Variants in DGLUCY observed in about 807,000 individuals in gnomAD.
DGLUCY encodes D-glutamate cyclase.
In DGLUCY, 58 loss-of-function variants were observed where a neutral mutation model predicts 58.5. That is an observed-to-expected ratio of 0.99 (90% CI 0.80 to 1.23). The LOEUF (loss-of-function observed/expected upper bound fraction) is 1.23. Among genes scored for constraint, DGLUCY ranks in the 50% most tolerant of loss-of-function variants. The pLI, the probability that DGLUCY is intolerant of heterozygous loss-of-function variation, is 0.00. For missense variants in DGLUCY, 779 were observed against 784.7 expected, an observed-to-expected ratio of 0.99 and a Z score of 0.09; for synonymous variants, 325 against 314.1, an observed-to-expected ratio of 1.03 and a Z score of -0.37.
In DGLUCY at chr14:91,181,270, C is replaced by T. The variant is rs772190030; in HGVS notation, c.815C>T (p.Thr272Ile). The T allele has an allele frequency of 3.7e-6, 6 of 1,614,042 alleles. No individual in the cohort carries two copies. The African/African-American group carries it at 4.0e-5, about 11-fold the overall frequency. Residue 272 changes from threonine (T) to isoleucine (I), a missense_variant, in exon 8 of 14, where the codon ACC becomes ATC. By Grantham distance (89) the Thr-to-Ile change is moderately conservative. Transcript: ENST00000256324. The part of the protein sequence containing the change: ...KDAKAPPGCL[T>I]PERIPEVHHI... Reference sequence around the variant, plus strand: ...GCAAAGGCTCCACCTGGTTGTCTCACCCCAGAGAGAATTCCAGAGGTCCAT... The same window carrying T: ...GCAAAGGCTCCACCTGGTTGTCTCATCCCAGAGAGAATTCCAGAGGTCCAT...
chr14:91,190,348 A>G (rs115923640), intron 9 of DGLUCY, among the ~76,000 whole-genome samples: 2,363 of 152,248 alleles, frequency 0.016, 63 homozygotes, highest in African/African-American at 0.053. Context: ...CCCCACGGAG[A>G]GTATCTTCCA....
At chr14:91,174,112 T>A (rs781365485) in intron 6 of DGLUCY, among the ~76,000 whole-genome samples, 10 of 151,926 alleles carry the variant, frequency 6.6e-5, no homozygotes, top group Non-Finnish European at 1.3e-4. Context: ...TCAATCATGC[T>A]CATGTAATGA....
intron 13 of DGLUCY, chr14:91,220,757 G>T (rs1440291483): frequency 2.3e-6 from 1 of 438,648 alleles, no homozygotes; most frequent in East Asian, 7.1e-5. Context: ...TCAGCACCAT[G>T]TTCCCGCCTG....
chr14:91,115,092 A>G (rs919809312), intron 1 of DGLUCY: 2 of 152,326 alleles, frequency 1.3e-5, no homozygotes, highest in South Asian at 2.1e-4. Context: ...ACCTTCTTTC[A>G]TGAGAACCAC....
intron 10 of DGLUCY, among the ~76,000 whole-genome samples, chr14:91,197,818 C>T (rs2050309052): frequency 6.6e-6 from 1 of 152,192 alleles, no homozygotes; most frequent in Admixed American, 6.5e-5. Context: ...GGTTTGCTTC[C>T]TGCTCTTGGC....
intron 4 of DGLUCY, 52 bp from the exon 5 acceptor site, chr14:91,169,943 TATTATCAG>T (rs1178220051): frequency 1.3e-6 from 2 of 1,525,006 alleles, no homozygotes; most frequent in Non-Finnish European, 1.8e-6. Flanking sequence ...TTCTATAATG[TATTATCAG>T]GGGCCACAGT....
rs1887993641 is a variant in DGLUCY, at chr14:91,224,825, C to A, written c.1858C>A (p.Gln620Lys). The part of the protein sequence containing the change: ...IQKLVDVTTA[Q>K]V The stretch of plus-strand genomic sequence containing the variant: ...GAAGCTGGTGGACGTCACCACGGCA[C>A]AGGTGTAACCGTCCATGTTCCGTGT... The change falls in exon 14 of 14, where the codon CAG becomes AAG. Residue 620 changes from glutamine to lysine, a missense_variant. Physicochemically the swap from Gln to Lys is moderately conservative, Grantham distance 53. Transcript: ENST00000256324. 6.2e-7 allele frequency: 1 copy of A among 1,611,606 alleles called. No individual in the cohort carries two copies. The highest frequency in any genetic ancestry group is 1.3e-5 in the African/African-American group (1 of 74,864).
At chr14:91,203,713 G>C (rs967077981) in intron 11 of DGLUCY, among the ~76,000 whole-genome samples, 11 of 148,914 alleles carry the variant, frequency 7.4e-5, no homozygotes, top group African/African-American at 2.2e-4. Flanking sequence ...GTCTTGCTCT[G>C]TTGCCCAGTC....
intron 1 of DGLUCY, among the ~76,000 whole-genome samples, chr14:91,093,083 CAAA>C (rs1157463939): frequency 6.9e-5 from 4 of 57,698 alleles, no homozygotes; most frequent in Admixed American, 1.9e-4. Flanking sequence ...AACTCAGTCT[CAAA>C]AAAAAAAAAA....
At chr14:91,138,550 G>C (rs79553846) in intron 1 of DGLUCY, among the ~76,000 whole-genome samples, 32 of 152,134 alleles carry the variant, frequency 2.1e-4, no homozygotes, top group Admixed American at 3.9e-4. Context: ...AAGGAAAGAG[G>C]TCTAATCCCC....
At chr14:91,084,987 C>A (rs536639287) in intron 1 of DGLUCY, among the ~76,000 whole-genome samples, 1 of 152,210 alleles carries the variant, frequency 6.6e-6, no homozygotes, top group South Asian at 2.1e-4. Context: ...TTTGGAAGGG[C>A]AAAACAGTAA....
At chr14:91,133,016 GGGCGCGGTAGCTC>G in intron 1 of DGLUCY, among the ~76,000 whole-genome samples, 1 of 151,880 alleles carries the variant, frequency 6.6e-6, no homozygotes, top group African/African-American at 2.4e-5. Context: ...TTTTTTGGCT[GGGCGCGGTAGCTC>G]ACGCCTGTAA....
intron 13 of DGLUCY, among the ~76,000 whole-genome samples, chr14:91,219,086 A>G (rs929853637): frequency 2.0e-5 from 3 of 152,066 alleles, no homozygotes; most frequent in East Asian, 1.9e-4. Flanking sequence ...AGGCTGAGAC[A>G]TGAGAATCAC....
chr14:91,206,927 A>C (rs1595920410), intron 12 of DGLUCY, among the ~76,000 whole-genome samples: 1 of 152,214 alleles, frequency 6.6e-6, no homozygotes, highest in Non-Finnish European at 1.5e-5. Flanking sequence ...GAGACATGAA[A>C]ATTTTAAGAA....
intron 8 of DGLUCY, 72 bp downstream of exon 8, chr14:91,181,461 C>T (rs775436947): frequency 5.4e-6 from 8 of 1,472,572 alleles, no homozygotes; most frequent in African/African-American, 1.4e-5. Context: ...AGAAAATCAC[C>T]TTTTCAGTGA....
chr14:91,205,795 C>CCTCT (rs1884528137), intron 12 of DGLUCY, among the ~76,000 whole-genome samples: 1 of 143,470 alleles, frequency 7.0e-6, no homozygotes, highest in Admixed American at 7.0e-5. Context: ...TCTTCTTCTT[C>CCTCT]TCCGTCTCCT....
intron 13 of DGLUCY, among the ~76,000 whole-genome samples, chr14:91,220,280 T>A (rs1464652173): frequency 6.6e-6 from 1 of 152,212 alleles, no homozygotes; most frequent in Admixed American, 6.5e-5. Flanking sequence ...CCGTAACAGA[T>A]CTACTTTTTG....
At chr14:91,138,723 T>C (rs1450061479) in intron 1 of DGLUCY, among the ~76,000 whole-genome samples, 1 of 152,098 alleles carries the variant, frequency 6.6e-6, no homozygotes, top group African/African-American at 2.4e-5. Flanking sequence ...CTCACTGTCA[T>C]GAGAACAGGG....
At chr14:91,144,840 T>C (rs1206442254) in intron 1 of DGLUCY, among the ~76,000 whole-genome samples, 1 of 152,126 alleles carries the variant, frequency 6.6e-6, no homozygotes, top group Admixed American at 6.6e-5. Context: ...CAGATTTGTT[T>C]GGCTAGAGCA....
Sources: gnomAD v4.1 joint callset for allele counts (sites outside exome capture counted in the v4.1 genomes callset) on GRCh38, gnomAD v4.1.1 for gene constraint, MANE v1.5 for transcripts, NCBI Gene and HGNC (gene_info 2026-07-23, HGNC 2026-07-21) for gene names.